Variants in COL6A2 observed in about 807,000 individuals in gnomAD.
COL6A2 encodes the protein collagen alpha-2(VI) chain.
Under a neutral mutation model 124.9 loss-of-function variants are expected in COL6A2, and 90 were observed. The observed-to-expected ratio is 0.72, with a 90% confidence interval of 0.61 to 0.86. COL6A2 has a LOEUF of 0.86. Ranked by LOEUF, COL6A2 falls within the 40% of genes least tolerant of loss-of-function variation. The probability of loss-of-function intolerance (pLI) is 0.00; values close to 1 mark genes in which losing one functional copy is unlikely to be tolerated. For synonymous variants in COL6A2, 793 were observed against 618.2 expected, an observed-to-expected ratio of 1.28 and a Z score of -4.19; for missense variants, 1,607 against 1,502.5, an observed-to-expected ratio of 1.07 and a Z score of -1.15.
Position 46,112,342 on chromosome 21 carries a change from T to A in COL6A2, c.479T>A (p.Ile160Asn). Residue 160 changes from isoleucine to asparagine, a missense_variant, in exon 3 of 28, where the codon ATC becomes AAC. Ile to Asn is a moderately radical substitution (Grantham distance 149). Transcript: ENST00000300527. ...SKGTVHFAVV[I>N]TDGHVTGSPC... ...GGCACCGTCCACTTCGCCGTGGTCATCACCGACGGCCACGTCACCGGCAGC... is the reference window on the plus strand; with the variant it reads ...GGCACCGTCCACTTCGCCGTGGTCAACACCGACGGCCACGTCACCGGCAGC... The A allele has an allele frequency of 6.2e-7, 1 of 1,609,828 alleles. No individual in the cohort carries two copies. Among genetic ancestry groups the A allele is most frequent in the Non-Finnish European group, 8.5e-7 (1 of 1,178,724 alleles).
In COL6A2 at chr21:46,116,573, G is replaced by C; in HGVS notation, c.928-78G>C. ...CTGTGGCCTTGAGTTTGGCCCAAGGGCTTTGCCCCCCAGAGGCAGCAGTGC... is the reference window on the plus strand; with the variant it reads ...CTGTGGCCTTGAGTTTGGCCCAAGGCCTTTGCCCCCCAGAGGCAGCAGTGC... On this transcript the variant is annotated intron_variant, in intron 8 of 27. Transcript: ENST00000300527. This position sits in a 1 kb window ranked among gnomAD's most constrained non-coding sequence, Gnocchi z 4.6. 1 of 1,605,900 alleles carries C rather than the reference G, an allele frequency of 6.2e-7. No individual in the cohort carries two copies. The highest frequency in any genetic ancestry group is 1.1e-5 in the South Asian group (1 of 90,876).
chr21:46,098,817 G>A (rs117743566), intron 1 of COL6A2: 29,050 of 152,220 alleles, frequency 0.19, 2,971 homozygotes, highest in South Asian at 0.33. Context: ...CAGGGCGGCG[G>A]GACCCGGGCT....
chr21:46,110,083 C>T (rs1382168999), intron 1 of COL6A2, among the ~76,000 whole-genome samples: 1 of 152,216 alleles, frequency 6.6e-6, no homozygotes, highest in Non-Finnish European at 1.5e-5. Context: ...CAGCCTGGGG[C>T]AGGGTCTCCA....
At chr21:46,128,832 G>T in intron 27 of COL6A2, 1 of 1,296,796 alleles carries the variant, frequency 7.7e-7, no homozygotes. Flanking sequence ...TTGAGGGGTG[G>T]CTGGGGTCTT....
intron 27 of COL6A2, chr21:46,129,862 G>A (rs544462755): frequency 1.2e-5 from 13 of 1,044,076 alleles, no homozygotes; most frequent in Middle Eastern, 4.6e-4. Flanking sequence ...CAGGGTTTGG[G>A]TGTGGAAGTC....
At chr21:46,117,129 T>C (rs930611700) in intron 10 of COL6A2, among the ~76,000 whole-genome samples, 2 of 152,182 alleles carry the variant, frequency 1.3e-5, no homozygotes, top group Non-Finnish European at 2.9e-5. Flanking sequence ...ACTCCTTCCA[T>C]GGCTCCCCGT....
Position 46,125,496 on chromosome 21 carries a change from G to A in COL6A2, c.1848G>A (p.Val616=). ...AGAAGCGCTGTGGCGCCCTGGACGT[G>A]GTCTTCGTCATCGACAGCTCCGAGA... is the stretch of plus-strand genomic sequence containing the variant. The part of the protein sequence containing the change: ...DCEKRCGALD[V]VFVIDSSESI... Residue 616 remains valine (V), a synonymous_variant, in exon 25 of 28, where the codon GTG becomes GTA. Coordinates refer to ENST00000300527, the MANE Select transcript of COL6A2 (RefSeq NM_001849.4). The A allele has an allele frequency of 6.2e-7, 1 of 1,612,992 alleles. No individual in the cohort carries two copies. The highest frequency in any genetic ancestry group is 8.5e-7 in the Non-Finnish European group (1 of 1,179,978).
intron 27 of COL6A2, 116 bp downstream of exon 27, chr21:46,126,657 CCACTGCGGAGG>C (rs2078674921): frequency 3.1e-6 from 4 of 1,271,632 alleles, no homozygotes; most frequent in Admixed American, 3.8e-5. Flanking sequence ...GGCGGCGGAG[CCACTGCGGAGG>C]CTGCTCCTTA....
intron 27 of COL6A2, chr21:46,129,538 G>A: frequency 6.7e-7 from 1 of 1,501,674 alleles, no homozygotes; most frequent in Non-Finnish European, 8.9e-7. Flanking sequence ...TGCCACACTA[G>A]CTTCCCAGGG....
intron 20 of COL6A2, 103 bp downstream of exon 20, chr21:46,122,634 C>T: frequency 7.5e-7 from 1 of 1,342,190 alleles, no homozygotes; most frequent in Non-Finnish European, 1.1e-6. Flanking sequence ...CCACCCCTGT[C>T]TTGAGATGGT....
intron 1 of COL6A2, among the ~76,000 whole-genome samples, chr21:46,108,596 T>C (rs1439625554): frequency 1.3e-5 from 2 of 152,226 alleles, no homozygotes; most frequent in African/African-American, 4.8e-5. Context: ...TGTTGTTGTT[T>C]CTTAGTTAGA....
rs749123437 is a variant in COL6A2 at position 46,112,829 on chromosome 21, G to A, written c.735+5G>A. On this transcript the variant is annotated splice_donor_5th_base_variant and intron_variant, in intron 4 of 27. Coordinates refer to ENST00000300527, the MANE Select transcript of COL6A2 (RefSeq NM_001849.4). ...AAACACGAAGCCTACGGAGAGGTGA[G>A]TGGCGCTTCCCTTCCTGCCAGTGCT... 1 of 1,613,658 alleles carries A rather than the reference G, an allele frequency of 6.2e-7. No individual in the cohort carries two copies. Among genetic ancestry groups the A allele is most frequent in the South Asian group, 1.1e-5 (1 of 91,082 alleles).
intron 4 of COL6A2, 178 bp from the exon 5 acceptor site, chr21:46,113,830 C>A: frequency 1.5e-6 from 1 of 681,986 alleles, no homozygotes. Flanking sequence ...CTGATGGGGG[C>A]AGAGCCTCAC....
Position 46,121,078 on chromosome 21 carries a change from T to A in COL6A2, c.1413T>A (p.Pro471=), listed in dbSNP as rs1181129312. The A allele has an allele frequency of 6.2e-7, 1 of 1,612,792 alleles. No individual in the cohort carries two copies. The change falls in exon 17 of 28, where the codon CCT becomes CCA. Residue 471 remains proline, a synonymous_variant. Coordinates refer to ENST00000300527, the MANE Select transcript of COL6A2 (RefSeq NM_001849.4). ...TCTTCCAGGGAGACCGAGGCTTGCC[T>A]GGACCCAGAGGCCCCCAGGGAGCTC... ...NKGAKGDRGL[P]GPRGPQGALG...
chr21:46,109,351 G>A (rs1428882496), intron 1 of COL6A2, among the ~76,000 whole-genome samples: 2 of 152,174 alleles, frequency 1.3e-5, no homozygotes, highest in Non-Finnish European at 2.9e-5. Flanking sequence ...CTCAGAGAGG[G>A]GAAGTGCATG....
chr21:46,109,294 G>A lies in COL6A2; in HGVS notation c.-27-2156G>A, dbSNP rs755526515. Among the ~76,000 whole-genome samples the A allele has an allele frequency of 2.9e-4, 44 of 152,144 alleles. 1 individual carries two copies. Among genetic ancestry groups the A allele is most frequent in the Admixed American group, 2.2e-3 (34 of 15,286 alleles). On this transcript the variant is annotated intron_variant, in intron 1 of 27. Coordinates refer to ENST00000300527, the MANE Select transcript of COL6A2 (RefSeq NM_001849.4). ...GAGCACCTCCTCTCTGCAGCTGGTC[G>A]TGCCATGCTCTGCCCTGCTCTGACT...
Position 46,122,396 on chromosome 21 carries a change from T to C in COL6A2, c.1573-100T>C, listed in dbSNP as rs2078580649. On this transcript the variant is annotated intron_variant, in intron 19 of 27. Transcript: ENST00000300527. ...ACAGTGGCCTCACCCAGAGTGTGAA[T>C]GAGCGAGGGAGGGAAACGGGGCTGC... 1.1e-5 allele frequency: 16 copies of C among 1,508,358 alleles called. No individual in the cohort carries two copies. The Admixed American group carries it at 2.3e-4, about 22-fold the overall frequency. The allele number at this position is 1,508,358 out of a possible 1,614,324, so 93.4% of individuals were successfully genotyped here.
At position 46,128,060 on chromosome 21, in the gene COL6A2, G is replaced by A. The variant is rs112477159; in HGVS notation, c.2461+1519G>A. On this transcript the variant is annotated intron_variant, in intron 27 of 27. Transcript: ENST00000300527. ...CTTTTCTTTTCTCGTGATCTCTCTG[G>A]TTCTGGCCTCAGGGTGACGTGGGCC... Among the ~76,000 whole-genome samples, 362 of 152,316 alleles carry A rather than the reference G, an allele frequency of 2.4e-3. 2 individuals carry two copies. Among genetic ancestry groups the A allele is most frequent in the Non-Finnish European group, 3.8e-3 (260 of 68,018 alleles).
At chr21:46,129,212 C>G (rs769968603) in intron 27 of COL6A2, 1 of 1,612,894 alleles carries the variant, frequency 6.2e-7, no homozygotes, top group South Asian at 1.1e-5. Context: ...CGTGGCCTGG[C>G]GGCGAGCCCC....
Sources: allele counts gnomAD v4.1 joint callset (sites outside exome capture counted in the v4.1 genomes callset), GRCh38; gene constraint gnomAD v4.1.1; non-coding constraint Gnocchi (gnomAD v3.1); transcripts MANE v1.5; gene names NCBI Gene and HGNC (gene_info 2026-07-23, HGNC 2026-07-21).